Variants in GRM7 observed in about 807,000 individuals in gnomAD.
GRM7 encodes metabotropic glutamate receptor 7.
A neutral mutation model predicts 84.5 loss-of-function variants in GRM7; 35 were observed. The ratio of observed to expected loss-of-function variants is 0.41; its 90% CI spans 0.32 to 0.55. The LOEUF (loss-of-function observed/expected upper bound fraction) is 0.55, where lower values mean the gene tolerates loss of function less well. GRM7 is among the 20% of genes least tolerant of loss of function. The pLI is 0.19. For missense variants in GRM7, 1,003 were observed against 1,194.6 expected, an observed-to-expected ratio of 0.84 and a Z score of 2.36; for synonymous variants, 487 against 455.1, an observed-to-expected ratio of 1.07 and a Z score of -0.89.
At chr3:7,663,940 C>A (rs761565252) in intron 8 of GRM7, among the ~76,000 whole-genome samples, 2 of 152,186 alleles carry the variant, frequency 1.3e-5, no homozygotes, top group Admixed American at 1.3e-4. Flanking sequence ...AACACTGCGC[C>A]TTAATGCAAA....
At chr3:7,610,798 T>C (rs971487418) in intron 8 of GRM7, among the ~76,000 whole-genome samples, 4 of 152,208 alleles carry the variant, frequency 2.6e-5, no homozygotes, top group Non-Finnish European at 4.4e-5. Context: ...TGTTTTTAGT[T>C]TTGGTTTTCC....
intron 1 of GRM7, among the ~76,000 whole-genome samples, chr3:7,128,816 T>C (rs563438254): frequency 5.3e-5 from 8 of 152,060 alleles, no homozygotes; most frequent in African/African-American, 1.9e-4. Context: ...CCCAGACTTC[T>C]TAATTGCCCA....
At chr3:7,270,978 T>A (rs549446380) in intron 2 of GRM7, among the ~76,000 whole-genome samples, 2 of 152,140 alleles carry the variant, frequency 1.3e-5, no homozygotes, top group Non-Finnish European at 2.9e-5. Context: ...AAGTAATCTC[T>A]GGAATTTTGC....
chr3:7,178,335 T>A (rs1270485415), intron 2 of GRM7, among the ~76,000 whole-genome samples: 1 of 152,198 alleles, frequency 6.6e-6, no homozygotes, highest in Non-Finnish European at 1.5e-5. Flanking sequence ...CTTCCTGACT[T>A]ATTTTTCATT....
chr3:7,094,628 A>G (rs1698789462), intron 1 of GRM7, among the ~76,000 whole-genome samples: 1 of 152,210 alleles, frequency 6.6e-6, no homozygotes, highest in African/African-American at 2.4e-5. Context: ...AACATATTAT[A>G]TAGCTTTCAT....
chr3:7,502,264 G>T (rs1699907271), intron 7 of GRM7, among the ~76,000 whole-genome samples: 1 of 152,130 alleles, frequency 6.6e-6, no homozygotes, highest in South Asian at 2.1e-4. Flanking sequence ...ATTGTGTCCA[G>T]TTCCCTCAAC....
chr3:6,957,948 G>A (rs974782691), intron 1 of GRM7, among the ~76,000 whole-genome samples: 1 of 152,176 alleles, frequency 6.6e-6, no homozygotes, highest in African/African-American at 2.4e-5. Context: ...ATGGCAAACA[G>A]GAGCTCACCT....
chr3:7,712,614 TTTGA>T lies in GRM7; in HGVS notation c.2699-27740_2699-27737del, dbSNP rs569242946. Reference sequence around the variant, plus strand: ...ATCTCACCTTTGTTAAGTATTTGGTTTTGATTTTTATTTTTTCTTTGTTCTTTTT... The same window carrying T: ...ATCTCACCTTTGTTAAGTATTTGGTTTTTTTATTTTTTCTTTGTTCTTTTT... On this transcript the variant is annotated intron_variant, in intron 9 of 9. Coordinates refer to ENST00000357716, the MANE Select transcript of GRM7 (RefSeq NM_000844.4). Among the ~76,000 whole-genome samples the T allele has an allele frequency of 4.0e-5, 6 of 150,976 alleles. No homozygotes were observed. The East Asian group carries it at 1.2e-3, about 30-fold the overall frequency.
chr3:7,380,552 G>A (rs561491215), intron 4 of GRM7, among the ~76,000 whole-genome samples: 58 of 152,268 alleles, frequency 3.8e-4, no homozygotes, highest in African/African-American at 1.4e-3. Context: ...GCACATATTA[G>A]CAGTCTAAAC....
In GRM7 at chr3:7,292,996, C is replaced by T. The variant is rs569330538; in HGVS notation, c.737-5688C>T. On this transcript the variant is annotated intron_variant, in intron 2 of 9. Coordinates refer to ENST00000357716, the MANE Select transcript of GRM7 (RefSeq NM_000844.4). The stretch of plus-strand genomic sequence containing the variant: ...TTGCAGTGAGATGAGATTGCACCAT[C>T]GCACTGCAGCCTGGGGGACAAGAGC... 3.6e-4 allele frequency among the ~76,000 whole-genome samples: 52 copies of T among 145,032 alleles called. 1 individual carries two copies. In the East Asian group the frequency reaches 9.5e-3, roughly 27 times the overall value.
intron 2 of GRM7, among the ~76,000 whole-genome samples, chr3:7,150,466 A>C (rs1333591768): frequency 6.6e-6 from 1 of 152,212 alleles, no homozygotes; most frequent in African/African-American, 2.4e-5. Flanking sequence ...TGGAAGTCTA[A>C]GCACATTTTC....
At chr3:7,051,662 C>T (rs961846241) in intron 1 of GRM7, among the ~76,000 whole-genome samples, 2 of 151,762 alleles carry the variant, frequency 1.3e-5, no homozygotes, top group Non-Finnish European at 2.9e-5. Context: ...CCCACCTCCC[C>T]ATGCTTGTAA....
intron 1 of GRM7, among the ~76,000 whole-genome samples, chr3:6,876,204 G>A (rs1235797375): frequency 1.3e-5 from 2 of 151,838 alleles, no homozygotes; most frequent in Non-Finnish European, 2.9e-5. Flanking sequence ...GGAGGCAGCG[G>A]TAGCAATGAG....
chr3:7,227,435 T>A (rs1398407075), intron 2 of GRM7, among the ~76,000 whole-genome samples: 5 of 152,326 alleles, frequency 3.3e-5, no homozygotes, highest in African/African-American at 9.6e-5. Context: ...ATTCACCATA[T>A]TGTACCGCAG....
intron 1 of GRM7, among the ~76,000 whole-genome samples, chr3:6,980,868 A>G (rs1320722588): frequency 6.6e-6 from 1 of 152,242 alleles, no homozygotes; most frequent in Non-Finnish European, 1.5e-5. Flanking sequence ...GGAAAAGGCT[A>G]TAGATTAGGT....
chr3:7,547,176 G>GCC (rs1471518295), intron 7 of GRM7, among the ~76,000 whole-genome samples: 2 of 143,300 alleles, frequency 1.4e-5, no homozygotes, highest in African/African-American at 5.2e-5. Flanking sequence ...TCTCAGCACA[G>GCC]CCCCCAGAGA....
intron 1 of GRM7, among the ~76,000 whole-genome samples, chr3:6,997,011 G>T (rs1329608538): frequency 3.3e-5 from 5 of 152,204 alleles, no homozygotes; most frequent in Admixed American, 2.6e-4. Context: ...AGTGTAGTAA[G>T]AAGTTATGAT....
chr3:7,694,857 G>A lies in GRM7; in HGVS notation c.2698+14562G>A, dbSNP rs529028527. On this transcript the variant is annotated intron_variant, in intron 9 of 9. Coordinates refer to ENST00000357716, the MANE Select transcript of GRM7 (RefSeq NM_000844.4). The stretch of plus-strand genomic sequence containing the variant: ...TAAAGTACATTTCAGTTTATACTTC[G>A]GTCTAATTTAAATCATTTGTTCCCC... Among the ~76,000 whole-genome samples, 11 of 152,120 alleles carry A rather than the reference G, an allele frequency of 7.2e-5. 1 individual carries two copies. Among genetic ancestry groups the A allele is most frequent in the South Asian group, 2.1e-4 (1 of 4,818 alleles).
At chr3:7,060,672 T>G (rs1204493686) in intron 1 of GRM7, among the ~76,000 whole-genome samples, 1 of 151,794 alleles carries the variant, frequency 6.6e-6, no homozygotes, top group Non-Finnish European at 1.5e-5. Flanking sequence ...AACATTATGC[T>G]GACTCAAATG....
Sources: allele counts gnomAD v4.1 joint callset (sites outside exome capture counted in the v4.1 genomes callset), GRCh38; gene constraint gnomAD v4.1.1; transcripts MANE v1.5; gene names NCBI Gene and HGNC (gene_info 2026-07-23, HGNC 2026-07-21).